CACNB4: variants seen among roughly 807,000 people sequenced by gnomAD.
The protein encoded by CACNB4 is calcium voltage-gated channel auxiliary subunit beta 4.
A neutral mutation model predicts 71.2 loss-of-function variants in CACNB4; 32 were observed. That is an observed-to-expected ratio of 0.45 (90% CI 0.34 to 0.60). The LOEUF (loss-of-function observed/expected upper bound fraction) is 0.60. Among genes scored for constraint, CACNB4 ranks in the 20% least tolerant of loss-of-function variants. The probability of loss-of-function intolerance (pLI) is 0.01; values close to 1 mark genes in which losing one functional copy is unlikely to be tolerated. For missense variants in CACNB4, 464 were observed against 647.9 expected (o/e 0.72, Z 3.08); for synonymous variants, 231 against 236.9 (o/e 0.97, Z 0.23).
intron 2 of CACNB4, among the ~76,000 whole-genome samples, chr2:152,034,499 G>A (rs1207350693): frequency 6.6e-6 from 1 of 152,170 alleles, no homozygotes; most frequent in Non-Finnish European, 1.5e-5. Context: ...TGCCTGCTCC[G>A]GCCTCTCCTT....
At chr2:152,093,747 CAT>C (rs1418967841) in intron 2 of CACNB4, among the ~76,000 whole-genome samples, 4 of 152,314 alleles carry the variant, frequency 2.6e-5, no homozygotes, top group African/African-American at 9.6e-5. Flanking sequence ...CTGCCAACCA[CAT>C]GTGTGAGGCC....
At chr2:152,081,748 A>T (rs1431698083) in intron 2 of CACNB4, among the ~76,000 whole-genome samples, 1 of 152,184 alleles carries the variant, frequency 6.6e-6, no homozygotes, top group Admixed American at 6.6e-5. Flanking sequence ...CATATGATTT[A>T]AAAAAATATA....
chr2:151,840,332 A>G (rs150685975), intron 13 of CACNB4, among the ~76,000 whole-genome samples: 16 of 152,356 alleles, frequency 1.1e-4, no homozygotes, highest in African/African-American at 3.8e-4. Context: ...GAAATAGGCC[A>G]CAGAATAAAG....
intron 2 of CACNB4, among the ~76,000 whole-genome samples, chr2:152,021,814 C>A (rs1041184216): frequency 1.1e-4 from 16 of 152,054 alleles, no homozygotes; most frequent in African/African-American, 3.9e-4. Context: ...TTTTTTCTTT[C>A]TTAATTCAAC....
chr2:151,943,064 T>C (rs1019048098), intron 2 of CACNB4, among the ~76,000 whole-genome samples: 3 of 152,182 alleles, frequency 2.0e-5, no homozygotes, highest in African/African-American at 7.2e-5. Context: ...GAGATCTTTG[T>C]ACCTACTCTC....
intron 2 of CACNB4, among the ~76,000 whole-genome samples, chr2:151,944,564 G>A (rs2099865113): frequency 6.6e-6 from 1 of 152,174 alleles, no homozygotes; most frequent in African/African-American, 2.4e-5. Context: ...GGCCAAGGCA[G>A]GCAGATCACC....
intron 2 of CACNB4, among the ~76,000 whole-genome samples, chr2:151,906,485 T>G (rs1406032269): frequency 6.6e-6 from 1 of 152,184 alleles, no homozygotes; most frequent in Non-Finnish European, 1.5e-5. Context: ...GAGCAGTTAC[T>G]CTATCTATGA....
rs1263292685 is a variant in CACNB4 at position 151,834,857 on chromosome 2, A to G, written c.*4262T>C. On this transcript the variant is annotated 3_prime_UTR_variant, in exon 14 of 14. Coordinates refer to ENST00000539935, the MANE Select transcript of CACNB4 (RefSeq NM_000726.5). The stretch of plus-strand genomic sequence containing the variant: ...GATTTTATTACATAATTTCCTATAA[A>G]TTTTTCATTCATACAGTCATTCAAG... 4 of 151,928 alleles carry G rather than the reference A, an allele frequency of 2.6e-5. No individual in the cohort carries two copies. The highest frequency in any genetic ancestry group is 7.2e-5 in the African/African-American group (3 of 41,436). 9.4% of individuals were successfully genotyped at this position (151,928 alleles called of 1,614,324 possible).
In CACNB4 at chr2:151,983,706, C is replaced by CACACACACACAG. The variant is rs879497687; in HGVS notation, c.148-100337_148-100336insCTGTGTGTGTGT. Among the ~76,000 whole-genome samples, 77 of 149,968 alleles carry CACACACACACAG rather than the reference C, an allele frequency of 5.1e-4. No individual in the cohort carries two copies. The East Asian group carries it at 0.013, about 26-fold the overall frequency. On this transcript the variant is annotated intron_variant, in intron 2 of 13. Coordinates refer to ENST00000539935, the MANE Select transcript of CACNB4 (RefSeq NM_000726.5). ...ACACACACACACACACACACACACACACACACAGGGCTTTGCAAGTTATTT... is the reference window on the plus strand; with the variant it reads ...ACACACACACACACACACACACACACACACACACACAGACACACAGGGCTTTGCAAGTTATTT...
intron 2 of CACNB4, among the ~76,000 whole-genome samples, chr2:152,002,618 C>T (rs1310032651): frequency 1.3e-5 from 2 of 152,226 alleles, no homozygotes; most frequent in African/African-American, 4.8e-5. Context: ...CTCTCTGAGA[C>T]TTGGTTCTAT....
intron 5 of CACNB4, among the ~76,000 whole-genome samples, chr2:151,875,850 C>G (rs576907561): frequency 8.6e-4 from 107 of 124,556 alleles, no homozygotes; most frequent in African/African-American, 2.7e-3. Flanking sequence ...GGGGGGCTGA[C>G]CCCCCCATCT....
intron 2 of CACNB4, among the ~76,000 whole-genome samples, chr2:151,928,084 A>G (rs867544): frequency 0.89 from 135,990 of 152,190 alleles, 61,135 homozygotes; most frequent in Middle Eastern, 0.95. Context: ...TCAGAGAGAA[A>G]CTCCATCAGC....
At chr2:151,989,809 G>A (rs897894720) in intron 2 of CACNB4, among the ~76,000 whole-genome samples, 2 of 152,048 alleles carry the variant, frequency 1.3e-5, no homozygotes, top group South Asian at 2.1e-4. Flanking sequence ...CATCTCCTTC[G>A]AAAATCAAGT....
At chr2:152,017,762 C>A (rs1012343432) in intron 2 of CACNB4, among the ~76,000 whole-genome samples, 1 of 151,694 alleles carries the variant, frequency 6.6e-6, no homozygotes, top group Non-Finnish European at 1.5e-5. Flanking sequence ...AACAATAAAG[C>A]TCTCATATAC....
chr2:152,031,783 A>G (rs1438171199), intron 2 of CACNB4, among the ~76,000 whole-genome samples: 1 of 152,216 alleles, frequency 6.6e-6, no homozygotes, highest in African/African-American at 2.4e-5. Context: ...AATGGTAGAG[A>G]ACTAGGCAAC....
chr2:151,992,625 C>T lies in CACNB4; in HGVS notation c.147+105705G>A, dbSNP rs567664098. 2.0e-5 allele frequency among the ~76,000 whole-genome samples: 3 copies of T among 152,258 alleles called. No individual in the cohort carries two copies. In the South Asian group the frequency reaches 6.2e-4, roughly 32 times the overall value. On this transcript the variant is annotated intron_variant, in intron 2 of 13. Transcript: ENST00000539935. ...CTGTTGCATGTCATTATGACAGTTG[C>T]TGAGATATGTGAATGCAAACCAGCA...
In CACNB4 at chr2:151,859,759, T is replaced by C. The variant is rs547115922; in HGVS notation, c.868+952A>G. 3.3e-5 allele frequency: 5 copies of C among 152,354 alleles called. No homozygotes were observed. In the South Asian group the frequency reaches 1.0e-3, roughly 32 times the overall value. The allele number at this position is 152,354 out of a possible 1,614,324, so 9.4% of individuals were successfully genotyped here. A position where few individuals can be genotyped will look rare whatever the true frequency, so the allele number is the denominator to read the frequency against. On this transcript the variant is annotated intron_variant, in intron 10 of 13. Coordinates refer to ENST00000539935, the MANE Select transcript of CACNB4 (RefSeq NM_000726.5). ...ACCATCCCACATTTATTAGCAATTATCACATGCCAATCCCATGTCAGGAAC... is the reference window on the plus strand; with the variant it reads ...ACCATCCCACATTTATTAGCAATTACCACATGCCAATCCCATGTCAGGAAC...
chr2:151,914,189 T>G (rs1259244461), intron 2 of CACNB4, among the ~76,000 whole-genome samples: 1 of 152,142 alleles, frequency 6.6e-6, no homozygotes, highest in Non-Finnish European at 1.5e-5. Context: ...ATTCTCTCTA[T>G]TCTTGTCTGC....
chr2:151,899,907 A>G (rs1420933534), intron 2 of CACNB4, among the ~76,000 whole-genome samples: 1 of 152,236 alleles, frequency 6.6e-6, no homozygotes, highest in South Asian at 2.1e-4. Context: ...GCTGACAGCT[A>G]TGTAAATAAC....
Sources: allele counts gnomAD v4.1 joint callset (sites outside exome capture counted in the v4.1 genomes callset), GRCh38; gene constraint gnomAD v4.1.1; transcripts MANE v1.5; gene names NCBI Gene and HGNC (gene_info 2026-07-23, HGNC 2026-07-21).